ICA1: variants seen among roughly 807,000 people sequenced by gnomAD.
ICA1 encodes the protein islet cell autoantigen 1.
Under a neutral mutation model 71.0 loss-of-function variants are expected in ICA1, and 40 were observed. That is an observed-to-expected ratio of 0.56 (90% confidence interval 0.44 to 0.73). ICA1 has a LOEUF of 0.73. Among genes scored for constraint, ICA1 ranks in the 30% least tolerant of loss-of-function variants. ICA1 has a pLI of 0.00. For missense variants in ICA1, 578 were observed against 576.5 expected, an observed-to-expected ratio of 1.00 and a Z score of -0.03; for synonymous variants, 207 against 209.5, an observed-to-expected ratio of 0.99 and a Z score of 0.10.
At chr7:8,198,868 T>C (rs1788583150) in intron 6 of ICA1, among the ~76,000 whole-genome samples, 1 of 152,176 alleles carries the variant, frequency 6.6e-6, no homozygotes. Context: ...GATTAATAAC[T>C]AGAGTATATA....
chr7:8,217,525 T>C (rs1202691287), intron 6 of ICA1, among the ~76,000 whole-genome samples: 1 of 152,238 alleles, frequency 6.6e-6, no homozygotes, highest in African/African-American at 2.4e-5. Flanking sequence ...CACAATATTA[T>C]GTCAAGCCTA....
chr7:8,214,786 C>A (rs1224703202), intron 6 of ICA1, among the ~76,000 whole-genome samples: 1 of 152,210 alleles, frequency 6.6e-6, no homozygotes, highest in Non-Finnish European at 1.5e-5. Flanking sequence ...TTCAGTCATG[C>A]TCACTGTGTG....
chr7:8,241,418 A>G (rs1803831798), intron 1 of ICA1, among the ~76,000 whole-genome samples: 1 of 152,238 alleles, frequency 6.6e-6, no homozygotes, highest in South Asian at 2.1e-4. Flanking sequence ...TGAAGGAAGC[A>G]CTAAACATGG....
intron 6 of ICA1, among the ~76,000 whole-genome samples, chr7:8,181,293 G>T (rs1782127586): frequency 6.6e-6 from 1 of 152,152 alleles, no homozygotes; most frequent in African/African-American, 2.4e-5. Flanking sequence ...GACCTTATAT[G>T]TGTGGGATTA....
At chr7:8,213,873 A>T (rs1253311421) in intron 6 of ICA1, among the ~76,000 whole-genome samples, 1 of 145,338 alleles carries the variant, frequency 6.9e-6, no homozygotes, top group Non-Finnish European at 1.5e-5. Flanking sequence ...TGATTAGTGC[A>T]TGAACAGTCT....
chr7:8,211,719 A>T (rs1418220148), intron 6 of ICA1, among the ~76,000 whole-genome samples: 1 of 152,242 alleles, frequency 6.6e-6, no homozygotes, highest in East Asian at 1.9e-4. Context: ...AAAAAATTTT[A>T]AAACCTCACA....
At chr7:8,124,375 T>G (rs919999687) in intron 13 of ICA1, among the ~76,000 whole-genome samples, 3 of 148,770 alleles carry the variant, frequency 2.0e-5, no homozygotes, top group African/African-American at 7.5e-5. Context: ...CACCTCGGCC[T>G]CCCAAAGTGC....
At chr7:8,124,359 T>C (rs1788287886) in intron 13 of ICA1, among the ~76,000 whole-genome samples, 3 of 151,028 alleles carry the variant, frequency 2.0e-5, no homozygotes, top group Non-Finnish European at 2.9e-5. Flanking sequence ...GACCTCATGA[T>C]CCGCCCACCT....
chr7:8,230,266 T>C (rs1343729897), intron 3 of ICA1, among the ~76,000 whole-genome samples: 1 of 152,228 alleles, frequency 6.6e-6, no homozygotes, highest in Non-Finnish European at 1.5e-5. Context: ...GCAATATTTC[T>C]ATATTAACTT....
chr7:8,115,889 G>T (rs1784640234), intron 13 of ICA1, among the ~76,000 whole-genome samples: 1 of 152,180 alleles, frequency 6.6e-6, no homozygotes, highest in South Asian at 2.1e-4. Flanking sequence ...CAAATTAAAT[G>T]CCCTATTTGG....
At chr7:8,133,411 A>G (rs1792216655) in intron 12 of ICA1, among the ~76,000 whole-genome samples, 1 of 152,182 alleles carries the variant, frequency 6.6e-6, no homozygotes. Context: ...CTACAGGCAC[A>G]TGCCACCATG....
intron 6 of ICA1, among the ~76,000 whole-genome samples, chr7:8,190,210 T>C (rs957182638): frequency 4.6e-5 from 7 of 152,166 alleles, no homozygotes; most frequent in Non-Finnish European, 5.9e-5. Context: ...AATTCTCAGT[T>C]TCTTCCAGTT....
At chr7:8,116,880 C>A (rs540847980) in intron 13 of ICA1, among the ~76,000 whole-genome samples, 2 of 152,172 alleles carry the variant, frequency 1.3e-5, no homozygotes, top group Non-Finnish European at 2.9e-5. Flanking sequence ...CCCTCGTTAA[C>A]TTTATGCCCC....
chr7:8,161,268 G>C (rs1318400093), intron 6 of ICA1, among the ~76,000 whole-genome samples: 1 of 152,112 alleles, frequency 6.6e-6, no homozygotes, highest in Non-Finnish European at 1.5e-5. Context: ...AAGGAGGACA[G>C]ACAAGTTAGT....
chr7:8,176,078 T>G (rs1045159832), intron 6 of ICA1, among the ~76,000 whole-genome samples: 2 of 152,234 alleles, frequency 1.3e-5, no homozygotes, highest in Non-Finnish European at 1.5e-5. Context: ...GTACCGTTCC[T>G]AAAAGCAAAC....
intron 6 of ICA1, among the ~76,000 whole-genome samples, chr7:8,201,549 G>T (rs1789691398): frequency 6.6e-6 from 1 of 152,190 alleles, no homozygotes; most frequent in Non-Finnish European, 1.5e-5. Context: ...GCCTGTTTGG[G>T]AGTCTGCAAG....
intron 8 of ICA1, among the ~76,000 whole-genome samples, chr7:8,155,263 G>A (rs1171771811): frequency 6.6e-6 from 1 of 152,100 alleles, no homozygotes; most frequent in Non-Finnish European, 1.5e-5. Flanking sequence ...AAGGCTCTGG[G>A]GATGTAAAAG....
At chr7:8,240,157 T>C (rs1176024697) in intron 1 of ICA1, among the ~76,000 whole-genome samples, 1 of 152,152 alleles carries the variant, frequency 6.6e-6, no homozygotes, top group Admixed American at 6.5e-5. Flanking sequence ...GACAGACACC[T>C]TATACAGGTG....
chr7:8,146,413 G>A (rs1481924419), intron 8 of ICA1, among the ~76,000 whole-genome samples: 2 of 152,208 alleles, frequency 1.3e-5, no homozygotes, highest in African/African-American at 2.4e-5. Flanking sequence ...TAGTTGGCAA[G>A]AGTACAAGTC....
Sources: gnomAD v4.1 joint callset for allele counts (sites outside exome capture counted in the v4.1 genomes callset) on GRCh38, gnomAD v4.1.1 for gene constraint, MANE v1.5 for transcripts, NCBI Gene and HGNC (gene_info 2026-07-23, HGNC 2026-07-21) for gene names.